The following DCAF8 variants were observed in gnomAD, a reference collection of about 807,000 sequenced individuals.
DCAF8 encodes the protein DDB1- and CUL4-associated factor 8.
A neutral mutation model predicts 68.0 loss-of-function variants in DCAF8; 20 were observed. The observed-to-expected ratio is 0.29, with a 90% CI of 0.21 to 0.43. The LOEUF is 0.43. Ranked by LOEUF, DCAF8 falls within the 20% of genes least tolerant of loss-of-function variation. The pLI, the probability that DCAF8 is intolerant of heterozygous loss-of-function variation, is 1.00. For missense variants in DCAF8, 460 were observed against 771.0 expected, an observed-to-expected ratio of 0.60 and a Z score of 4.78; for synonymous variants, 230 against 276.9, an observed-to-expected ratio of 0.83 and a Z score of 1.68.
At chr1:160,258,801 C>T (rs562290313) in intron 2 of DCAF8, among the ~76,000 whole-genome samples, 66 of 152,216 alleles carry the variant, frequency 4.3e-4, no homozygotes, top group Middle Eastern at 3.4e-3. Context: ...GTGTGGTCCA[C>T]AGACTAGAAA....
rs538076536 is a variant in DCAF8 at position 160,236,255 on chromosome 1, C to T, written c.959+880G>A. Among the ~76,000 whole-genome samples the T allele has an allele frequency of 9.6e-5, 5 of 52,112 alleles. No individual in the cohort carries two copies. In the East Asian group the frequency reaches 1.5e-3, roughly 16 times the overall value. The allele number at this position is 52,112 out of a possible 152,430, so 34.2% of individuals were successfully genotyped here. A position where few individuals can be genotyped will look rare whatever the true frequency, so the allele number is the denominator to read the frequency against. ...GGTGTTAAACATTATGCTGAGGCATCACACACAAACACACACACACATACA... is the reference window on the plus strand; with the variant it reads ...GGTGTTAAACATTATGCTGAGGCATTACACACAAACACACACACACATACA... On this transcript the variant is annotated intron_variant, in intron 6 of 13. Coordinates refer to ENST00000368074, the MANE Select transcript of DCAF8 (RefSeq NM_015726.4).
At chr1:160,245,307 C>A (rs1216938563) in intron 2 of DCAF8, among the ~76,000 whole-genome samples, 1 of 152,162 alleles carries the variant, frequency 6.6e-6, no homozygotes, top group African/African-American at 2.4e-5. Context: ...TTTTATTAAG[C>A]CCTTTCAGTG....
In DCAF8 at chr1:160,239,748, C is replaced by T. The variant is rs533336928; in HGVS notation, c.672G>A (p.Arg224=). ...DLKVVVWDWV[R]RQPVLDFESG... is the part of the protein sequence containing the mutation. The stretch of plus-strand genomic sequence containing the variant: ...TCTCAAAGTCCAGTACTGGCTGCCG[C>T]CGTACCCAATCCCACACCACCACCT... Residue 224 remains arginine, a synonymous_variant, in exon 4 of 14, where the codon CGG becomes CGA. Coordinates refer to ENST00000368074, the MANE Select transcript of DCAF8 (RefSeq NM_015726.4). 6.2e-7 allele frequency: 1 copy of T among 1,614,260 alleles called. No homozygotes were observed. Among genetic ancestry groups the T allele is most frequent in the Non-Finnish European group, 8.5e-7 (1 of 1,180,046 alleles).
rs78462104 is a variant in DCAF8, at chr1:160,221,789, G to A, written c.1440+862C>T. On this transcript the variant is annotated intron_variant, in intron 11 of 13. Coordinates refer to ENST00000368074, the MANE Select transcript of DCAF8 (RefSeq NM_015726.4). ...GTCCAAAAACCTTGTAACAGAAAGC[G>A]ATTGAACTCCTTCCTAATTCTAGGT... Among the ~76,000 whole-genome samples, 263 of 126,598 alleles carry A rather than the reference G, an allele frequency of 2.1e-3. 4 individuals carry two copies. In the East Asian group the frequency reaches 0.029, roughly 14 times the overall value. The allele number at this position is 126,598 out of a possible 152,430, so 83.1% of individuals were successfully genotyped here. A position where few individuals can be genotyped will look rare whatever the true frequency, so the allele number is the denominator to read the frequency against.
chr1:160,243,812 G>A (rs1244638227), intron 3 of DCAF8, 148 bp downstream of exon 3: 5 of 716,424 alleles, frequency 7.0e-6, no homozygotes, highest in Non-Finnish European at 1.2e-5. Flanking sequence ...ATAGTCCAAG[G>A]TGTTTCCTGT....
intron 8 of DCAF8, among the ~76,000 whole-genome samples, 185 bp from the exon 9 acceptor site, chr1:160,225,304 T>C (rs1655432651): frequency 6.6e-6 from 1 of 152,216 alleles, no homozygotes; most frequent in African/African-American, 2.4e-5. Flanking sequence ...GGGCTTTCTT[T>C]TGGTTGTCAT....
chr1:160,231,168 G>C (rs184867648), intron 7 of DCAF8, 129 bp downstream of exon 7: 1 of 692,686 alleles, frequency 1.4e-6, no homozygotes, highest in South Asian at 2.0e-5. Flanking sequence ...TTTGGAAAAC[G>C]GTAAAAAATT....
chr1:160,236,479 G>T (rs1182143834), intron 6 of DCAF8, among the ~76,000 whole-genome samples: 1 of 151,956 alleles, frequency 6.6e-6, no homozygotes, highest in Non-Finnish European at 1.5e-5. Flanking sequence ...GAAACTACTA[G>T]AGAGGGAAGG....
chr1:160,222,617 T>C (rs896102130), intron 11 of DCAF8, 34 bp downstream of exon 11: 7 of 1,611,838 alleles, frequency 4.3e-6, no homozygotes, highest in African/African-American at 4.0e-5. Context: ...CTGGAGAGAT[T>C]AGGGAGCCAG....
rs1318936562 is a variant in DCAF8, at chr1:160,225,051, T to C, written c.1201+11A>G. 1 of 1,614,140 alleles carries C rather than the reference T, an allele frequency of 6.2e-7. No homozygotes were observed. Among genetic ancestry groups the C allele is most frequent in the East Asian group, 2.2e-5 (1 of 44,884 alleles). ...GCATGCCAGCCTAGGAGCTGGGCCC[T>C]GCTCACGTACCTGTGCCGTCGTGGC... On this transcript the variant is annotated intron_variant, in intron 9 of 13. Transcript: ENST00000368074.
intron 2 of DCAF8, among the ~76,000 whole-genome samples, chr1:160,258,054 T>A (rs1044171791): frequency 6.6e-6 from 1 of 152,172 alleles, no homozygotes. Flanking sequence ...TACATTTAAT[T>A]GACTGCATTT....
rs376957899 is a variant in DCAF8 at position 160,253,972 on chromosome 1, T to G, written c.-27+7313A>C. Among the ~76,000 whole-genome samples, 151 of 152,320 alleles carry G rather than the reference T, an allele frequency of 9.9e-4. 1 individual carries two copies. In the South Asian group the frequency reaches 0.03, roughly 31 times the overall value. On this transcript the variant is annotated intron_variant, in intron 2 of 13. Coordinates refer to ENST00000368074, the MANE Select transcript of DCAF8 (RefSeq NM_015726.4). ...CTCAGAGATTGAATGGAATGCTGAT[T>G]TTCTCTCCAGTAAAGAATCATAAAA...
intron 2 of DCAF8, among the ~76,000 whole-genome samples, chr1:160,246,404 A>G (rs947493): frequency 0.64 from 97,818 of 152,126 alleles, 32,986 homozygotes; most frequent in African/African-American, 0.86. Context: ...AGATGATAAA[A>G]GTAAGTAGAA....
At chr1:160,258,876 T>TC (rs1656946401) in intron 2 of DCAF8, among the ~76,000 whole-genome samples, 1 of 152,188 alleles carries the variant, frequency 6.6e-6, no homozygotes, top group Non-Finnish European at 1.5e-5. Flanking sequence ...AAATAAACAG[T>TC]CCAAGTTATC....
intron 5 of DCAF8, 82 bp from the exon 6 acceptor site, chr1:160,237,311 G>A: frequency 2.1e-6 from 2 of 938,988 alleles, no homozygotes; most frequent in Non-Finnish European, 3.2e-6. Context: ...ACTTTGGGAA[G>A]GGCTGCACTT....
chr1:160,233,170 C>T (rs1655750180), intron 6 of DCAF8, among the ~76,000 whole-genome samples: 1 of 152,208 alleles, frequency 6.6e-6, no homozygotes, highest in African/African-American at 2.4e-5. Context: ...AGCATCCTTT[C>T]TGCATAGCCA....
Position 160,240,268 on chromosome 1 carries a change from GTCAAGC to G in DCAF8, c.146_151del (p.Ser49_Leu50del), listed in dbSNP as rs1376206596. On this transcript the variant is annotated inframe_deletion, in exon 4 of 14. Coordinates refer to ENST00000368074, the MANE Select transcript of DCAF8 (RefSeq NM_015726.4). Reference sequence around the variant, plus strand: ...GCGGTTGGGGCCACCATCATCCCCAGTCAAGCTCAAACTCAGGTCTGAGGCCTCCAC... The same window carrying G: ...GCGGTTGGGGCCACCATCATCCCCAGTCAAACTCAGGTCTGAGGCCTCCAC... The G allele has an allele frequency of 9.9e-6, 16 of 1,613,966 alleles. No individual in the cohort carries two copies. The highest frequency in any genetic ancestry group is 1.4e-5 in the Non-Finnish European group (16 of 1,180,046).
chr1:160,255,801 GT>G (rs1656812623), intron 2 of DCAF8, among the ~76,000 whole-genome samples: 1 of 150,236 alleles, frequency 6.7e-6, no homozygotes, highest in South Asian at 2.1e-4. Context: ...TATATTTTTA[GT>G]AGACACAGGG....
rs1656036913 is a variant in DCAF8 at position 160,239,934 on chromosome 1, C to T, written c.486G>A (p.Glu162=). The change falls in exon 4 of 14, where the codon GAG becomes GAA. Residue 162 remains glutamate, a synonymous_variant. Coordinates refer to ENST00000368074, the MANE Select transcript of DCAF8 (RefSeq NM_015726.4). ...WQALPALRER[E]LGSSARFVYE... ...AGACAAAGCGGGCACTTGAACCCAG[C>T]TCCCGCTCCCGAAGGGCAGGGAGGG... 5.0e-6 allele frequency: 8 copies of T among 1,614,264 alleles called. No homozygotes were observed. The East Asian group carries it at 1.3e-4, about 27-fold the overall frequency.
Sources: allele counts gnomAD v4.1 joint callset (sites outside exome capture counted in the v4.1 genomes callset), GRCh38; gene constraint gnomAD v4.1.1; transcripts MANE v1.5; gene names NCBI Gene and HGNC (gene_info 2026-07-23, HGNC 2026-07-21).